FHAD1: variants seen among roughly 807,000 people sequenced by gnomAD.
FHAD1 encodes forkhead-associated domain-containing protein 1.
FHAD1 carries 146 observed loss-of-function variants against 191.3 expected under a neutral mutation model. The ratio of observed to expected loss-of-function variants is 0.76; its 90% CI spans 0.67 to 0.88. FHAD1 has a LOEUF of 0.88. FHAD1 is among the 40% of genes least tolerant of loss of function. FHAD1 has a pLI of 0.00. For synonymous variants in FHAD1, 616 were observed against 672.3 expected, an observed-to-expected ratio of 0.92 and a Z score of 1.29; for missense variants, 1,635 against 1,785.8, an observed-to-expected ratio of 0.92 and a Z score of 1.52.
At chr1:15,243,373 G>A (rs1384906195), upstream of FHAD1, among the ~76,000 whole-genome samples, 1 of 152,134 alleles carries the variant, frequency 6.6e-6, no homozygotes, top group Non-Finnish European at 1.5e-5. Flanking sequence ...GTCACCCTGC[G>A]CAACAGCTTG....
At chr1:15,238,394 G>T (rs1752026) in intron 1 of FHAD1, among the ~76,000 whole-genome samples, 1 of 152,116 alleles carries the variant, frequency 6.6e-6, no homozygotes, top group Non-Finnish European at 1.5e-5. Context: ...GCCTGCTGTT[G>T]ATTGGAAGCA....
intron 2 of FHAD1, among the ~76,000 whole-genome samples, chr1:15,261,754 G>A (rs1651170620): frequency 6.6e-6 from 1 of 152,210 alleles, no homozygotes; most frequent in Non-Finnish European, 1.5e-5. Flanking sequence ...GAAAACCCCA[G>A]CTTGTTCTGT....
At chr1:15,375,844 C>T (rs1699421447) in intron 28 of FHAD1, 114 bp downstream of exon 28, 2 of 1,210,520 alleles carry the variant, frequency 1.7e-6, no homozygotes, top group Admixed American at 3.1e-5. Context: ...TTGGGGCTGG[C>T]TGCTGTCTAT....
intron 18 of FHAD1, among the ~76,000 whole-genome samples, chr1:15,345,875 A>T (rs887032883): frequency 6.6e-6 from 1 of 152,130 alleles, no homozygotes; most frequent in African/African-American, 2.4e-5. Flanking sequence ...TGGACCCTCC[A>T]CCAGCATCCT....
At chr1:15,253,007 C>T (rs945018295) in intron 2 of FHAD1, among the ~76,000 whole-genome samples, 28 of 152,250 alleles carry the variant, frequency 1.8e-4, no homozygotes, top group African/African-American at 4.3e-4. Flanking sequence ...TTTTTTAACC[C>T]TTCATTTTGA....
chr1:15,345,000 G>T, intron 16 of FHAD1, 83 bp from the exon 17 acceptor site: 1 of 1,025,882 alleles, frequency 9.7e-7, no homozygotes. Flanking sequence ...GAGGAGTGAA[G>T]AGGTAGCACA....
In FHAD1 at chr1:15,318,361, C is replaced by T. The variant is rs1675165693; in HGVS notation, c.1365+433C>T. Reference sequence around the variant, plus strand: ...TGGCTATTTACATTTAAATTAAAGCCGGTAGCTCACGCCTGTAATCCCAGC... The same window carrying T: ...TGGCTATTTACATTTAAATTAAAGCTGGTAGCTCACGCCTGTAATCCCAGC... On this transcript the variant is annotated intron_variant, in intron 10 of 33. Coordinates refer to ENST00000688493, the MANE Select transcript of FHAD1 (RefSeq NM_001391957.1). This position sits in a 1 kb window ranked among gnomAD's most constrained non-coding sequence, Gnocchi z 4.1. Among the ~76,000 whole-genome samples the T allele has an allele frequency of 6.6e-6, 1 of 152,166 alleles. No homozygotes were observed. The highest frequency in any genetic ancestry group is 2.1e-4 in the South Asian group (1 of 4,834).
At chr1:15,252,630 C>T (rs937985431) in intron 2 of FHAD1, among the ~76,000 whole-genome samples, 1 of 152,222 alleles carries the variant, frequency 6.6e-6, no homozygotes, top group African/African-American at 2.4e-5. Context: ...ATGTGTGGTT[C>T]AGAAGGTGGG....
Position 15,294,277 on chromosome 1 carries a change from C to T in FHAD1, c.569-2407C>T, listed in dbSNP as rs553430502. ...TGCCTTTAGACCATTGCTTTGCTTT[C>T]GATTTGAAAAATTCTATTTGGAAAC... On this transcript the variant is annotated intron_variant, in intron 4 of 33. Transcript: ENST00000688493. Among the ~76,000 whole-genome samples, 11 of 152,266 alleles carry T rather than the reference C, an allele frequency of 7.2e-5. No individual in the cohort carries two copies. In the East Asian group the frequency reaches 1.5e-3, roughly 21 times the overall value.
intron 20 of FHAD1, 68 bp downstream of exon 20, chr1:15,353,052 G>A (rs1691435559): frequency 3.3e-6 from 4 of 1,220,692 alleles, no homozygotes; most frequent in African/African-American, 1.5e-5. Context: ...CTAGAGCCAG[G>A]CTCTGGGTTC....
chr1:15,294,722 C>T (rs1471966168), intron 4 of FHAD1, among the ~76,000 whole-genome samples: 1 of 152,164 alleles, frequency 6.6e-6, no homozygotes, highest in East Asian at 1.9e-4. Context: ...TGTTTAGCAA[C>T]ATCCCTGGCT....
intron 2 of FHAD1, 129 bp downstream of exon 2, chr1:15,252,006 C>A: frequency 1.3e-6 from 1 of 764,604 alleles, no homozygotes; most frequent in Non-Finnish European, 2.1e-6. Flanking sequence ...CATACCTTTC[C>A]TTGGTGTGCT....
At position 15,252,007 on chromosome 1, in the gene FHAD1, T is replaced by G. The variant is rs912254435; in HGVS notation, c.93+130T>G. 4.3e-5 allele frequency: 33 copies of G among 764,356 alleles called. No individual in the cohort carries two copies. The Admixed American group carries it at 7.5e-4, about 17-fold the overall frequency. The allele number at this position is 764,356 out of a possible 1,614,324, so 47.3% of individuals were successfully genotyped here. On this transcript the variant is annotated intron_variant, in intron 2 of 33. Transcript: ENST00000688493. ...CCTGGGCAAGCAGCCATACCTTTCC[T>G]TGGTGTGCTACCAATAGCCAGTTGC...
chr1:15,277,221 TGC>T (rs1259833246), intron 3 of FHAD1, among the ~76,000 whole-genome samples: 1 of 152,170 alleles, frequency 6.6e-6, no homozygotes, highest in Non-Finnish European at 1.5e-5. Flanking sequence ...TCGACCCTCT[TGC>T]AACCTCATGA....
At chr1:15,364,619 A>C (rs1257718028) in intron 23 of FHAD1, among the ~76,000 whole-genome samples, 2 of 152,202 alleles carry the variant, frequency 1.3e-5, no homozygotes, top group Non-Finnish European at 2.9e-5. Flanking sequence ...CAAAAAAATA[A>C]AAATAAATAA....
At chr1:15,261,990 C>G (rs1164107857) in intron 2 of FHAD1, among the ~76,000 whole-genome samples, 1 of 152,158 alleles carries the variant, frequency 6.6e-6, no homozygotes, top group African/African-American at 2.4e-5. Flanking sequence ...GCCTGGGCAA[C>G]ATAGCAAGCC....
intron 14 of FHAD1, among the ~76,000 whole-genome samples, chr1:15,335,911 C>A (rs1004698350): frequency 6.6e-6 from 1 of 152,174 alleles, no homozygotes; most frequent in Non-Finnish European, 1.5e-5. Flanking sequence ...TTTCATCCTT[C>A]CCCTTTGATT....
At chr1:15,335,713 A>G (rs541634916) in intron 14 of FHAD1, among the ~76,000 whole-genome samples, 80 of 152,290 alleles carry the variant, frequency 5.3e-4, no homozygotes, top group African/African-American at 1.9e-3. Context: ...GGGTTTTTAT[A>G]ACCAACATTT....
At chr1:15,335,916 T>C (rs1443176698) in intron 14 of FHAD1, among the ~76,000 whole-genome samples, 1 of 152,150 alleles carries the variant, frequency 6.6e-6, no homozygotes, top group Non-Finnish European at 1.5e-5. Context: ...TCCTTCCCCT[T>C]TGATTCCTGG....
Sources: allele counts gnomAD v4.1 joint callset (sites outside exome capture counted in the v4.1 genomes callset), GRCh38; gene constraint gnomAD v4.1.1; non-coding constraint Gnocchi (gnomAD v3.1); transcripts MANE v1.5; gene names NCBI Gene and HGNC (gene_info 2026-07-23, HGNC 2026-07-21).